Variants in UBE2Z observed in about 807,000 individuals in gnomAD.
The protein encoded by UBE2Z is ubiquitin conjugating enzyme E2 Z, also known as ubiquitin-conjugating enzyme E2 Z.
A neutral mutation model predicts 32.6 loss-of-function variants in UBE2Z; 10 were observed. The ratio of observed to expected loss-of-function variants is 0.31; its 90% CI spans 0.19 to 0.52. UBE2Z has a LOEUF of 0.52. Ranked by LOEUF, UBE2Z falls within the 20% of genes least tolerant of loss-of-function variation. The pLI is 0.97. For synonymous variants in UBE2Z, 183 were observed against 190.8 expected (o/e 0.96, Z 0.34); for missense variants, 343 against 480.9 (o/e 0.71, Z 2.68).
chr17:48,915,887 A>C, intron 3 of UBE2Z, 189 bp from the exon 4 acceptor site: 1 of 263,180 alleles, frequency 3.8e-6, no homozygotes, highest in Non-Finnish European at 6.8e-6. Flanking sequence ...TGATTTGAGG[A>C]TTAGGCAATT....
intron 4 of UBE2Z, among the ~76,000 whole-genome samples, chr17:48,916,796 G>T (rs988145075): frequency 1.3e-5 from 2 of 148,256 alleles, no homozygotes; most frequent in African/African-American, 2.5e-5. Context: ...AGACCAGCCT[G>T]GCCAACCTGG....
At chr17:48,909,233 A>G (rs1340188016) in intron 1 of UBE2Z, among the ~76,000 whole-genome samples, 2 of 88,358 alleles carry the variant, frequency 2.3e-5, no homozygotes, top group African/African-American at 9.0e-5. Context: ...GGCCCCACCC[A>G]TCGGTCCCCT....
chr17:48,918,746 C>CTTTTTT (rs71144542), intron 4 of UBE2Z, among the ~76,000 whole-genome samples: 1 of 127,480 alleles, frequency 7.8e-6, no homozygotes. Context: ...TAGGTCTTGT[C>CTTTTTT]TTTTTTTTTT....
chr17:48,916,260 T>TTTTTTG, intron 4 of UBE2Z, 73 bp downstream of exon 4: 4 of 575,880 alleles, frequency 6.9e-6, no homozygotes, highest in East Asian at 8.4e-5. Flanking sequence ...GTTTTTTTGT[T>TTTTTTG]TTTTTTTTTT....
chr17:48,913,161 G>A (rs1387677775), intron 3 of UBE2Z, 140 bp downstream of exon 3: 1 of 826,582 alleles, frequency 1.2e-6, no homozygotes, highest in Non-Finnish European at 1.9e-6. Flanking sequence ...TCCTCAGGAT[G>A]GTATGTGACT....
In UBE2Z at chr17:48,928,703, CT is replaced by C. The variant is rs2040814523; in HGVS notation, c.*1571del. On this transcript the variant is annotated 3_prime_UTR_variant, in exon 7 of 7. Transcript: ENST00000360943. The stretch of plus-strand genomic sequence containing the variant: ...GGAACGGAAGTTTATCTTGGATACC[CT>C]TGAAGAGGCTGGGTCTCTTCACATG... 1.4e-5 allele frequency: 2 copies of C among 147,580 alleles called. No homozygotes were observed. Among genetic ancestry groups the C allele is most frequent in the African/African-American group, 4.8e-5 (2 of 41,316 alleles). The allele number at this position is 147,580 out of a possible 1,614,324, so 9.1% of individuals were successfully genotyped here. A position where few individuals can be genotyped will look rare whatever the true frequency, so the allele number is the denominator to read the frequency against.
intron 6 of UBE2Z, among the ~76,000 whole-genome samples, chr17:48,925,578 T>C (rs927042099): frequency 2.6e-5 from 4 of 152,238 alleles, no homozygotes; most frequent in Non-Finnish European, 5.9e-5. Flanking sequence ...TCCTAGTTTG[T>C]TCCCCATCAG....
chr17:48,923,281 A>G (rs1387292623), intron 6 of UBE2Z, among the ~76,000 whole-genome samples: 1 of 142,202 alleles, frequency 7.0e-6, no homozygotes, highest in East Asian at 2.0e-4. Context: ...AAATTGTGCC[A>G]CTGCACTTCA....
intron 3 of UBE2Z, 87 bp from the exon 4 acceptor site, chr17:48,915,975 AACTTATGGTGAGTC>A (rs1340782434): frequency 7.6e-6 from 5 of 657,152 alleles, no homozygotes; most frequent in Non-Finnish European, 1.3e-5. Flanking sequence ...GTGAAAGAGA[AACTTATGGTGAGTC>A]ACTTATGGTG....
At chr17:48,922,588 G>T (rs2040768028) in intron 5 of UBE2Z, among the ~76,000 whole-genome samples, 1 of 151,724 alleles carries the variant, frequency 6.6e-6, no homozygotes, top group South Asian at 2.1e-4. Context: ...GGGCAACATG[G>T]TGAAACCCCG....
At position 48,929,008 on chromosome 17, in the gene UBE2Z, T is replaced by TA. The variant is rs1329961704; in HGVS notation, c.*1874_*1875insA. ...TGACTGTATATAAATGAAGTTTTTT[T>TA]GTTTTTTTTGTTTTCCTTTTTGGTG... On this transcript the variant is annotated 3_prime_UTR_variant, in exon 7 of 7. Transcript: ENST00000360943. The TA allele has an allele frequency of 6.7e-6, 1 of 148,794 alleles. No individual in the cohort carries two copies. The highest frequency in any genetic ancestry group is 1.5e-5 in the Non-Finnish European group (1 of 66,316). The allele number at this position is 148,794 out of a possible 1,614,324, so 9.2% of individuals were successfully genotyped here.
At chr17:48,910,917 A>C in intron 2 of UBE2Z, 37 bp downstream of exon 2, 1 of 1,529,066 alleles carries the variant, frequency 6.5e-7, no homozygotes, top group Non-Finnish European at 9.1e-7. Flanking sequence ...GGTTTTGGGA[A>C]ATTGGGGGCC....
At chr17:48,923,489 C>T (rs778566534) in intron 6 of UBE2Z, among the ~76,000 whole-genome samples, 9 of 151,644 alleles carry the variant, frequency 5.9e-5, no homozygotes, top group African/African-American at 1.7e-4. Flanking sequence ...AAAATTGGCT[C>T]AGCGTGGTAG....
chr17:48,924,845 CAAAAAA>C (rs5820735), intron 6 of UBE2Z, among the ~76,000 whole-genome samples: 11 of 85,750 alleles, frequency 1.3e-4, no homozygotes, highest in South Asian at 5.2e-4. Context: ...GATTCTGTCT[CAAAAAA>C]AAAAAAAAAA....
At chr17:48,914,169 T>C (rs170319) in intron 3 of UBE2Z, among the ~76,000 whole-genome samples, 62,527 of 152,098 alleles carry the variant, frequency 0.41, 15,398 homozygotes, top group East Asian at 0.71. Flanking sequence ...TAGTTGCCTT[T>C]GGGGGCTGAA....
chr17:48,917,677 A>G (rs1333755552), intron 4 of UBE2Z, among the ~76,000 whole-genome samples: 3 of 152,184 alleles, frequency 2.0e-5, no homozygotes, highest in African/African-American at 7.2e-5. Context: ...GTTTTTATAT[A>G]TAATTTCTTG....
chr17:48,916,222 C>T (rs2040718142), intron 4 of UBE2Z, 35 bp downstream of exon 4: 2 of 1,090,900 alleles, frequency 1.8e-6, no homozygotes, highest in Non-Finnish European at 1.3e-6. Flanking sequence ...GGGGTGTAGA[C>T]TATTGTTTTT....
chr17:48,908,583 T>C lies in UBE2Z; in HGVS notation c.80T>C (p.Val27Ala). The stretch of plus-strand genomic sequence containing the variant: ...CCCGGGGCGAGCAGCGTTGCTGGTG[T>C]TGTTGGCGTTAGCGGCAGCGGCGGC... ...AGPGASSVAG[V>A]VGVSGSGGGF... The change falls in exon 1 of 7, where the codon GTT becomes GCT. Residue 27 changes from valine to alanine, a missense_variant. Around this residue, in one of 4 missense-constraint regions of UBE2Z, gnomAD observed 103 missense variants for 96.2 expected, o/e 1.07. Coordinates refer to ENST00000360943, the MANE Select transcript of UBE2Z (RefSeq NM_023079.5). 8.1e-7 allele frequency: 1 copy of C among 1,239,526 alleles called. No individual in the cohort carries two copies. The highest frequency in any genetic ancestry group is 1.0e-6 in the Non-Finnish European group (1 of 988,846). The allele number at this position is 1,239,526 out of a possible 1,614,324, so 76.8% of individuals were successfully genotyped here.
intron 6 of UBE2Z, among the ~76,000 whole-genome samples, chr17:48,923,555 C>T (rs1363265872): frequency 6.6e-6 from 1 of 151,720 alleles, no homozygotes; most frequent in African/African-American, 2.4e-5. Context: ...TCGCTTGAAC[C>T]TGGGAGGCCG....
Sources: allele counts gnomAD v4.1 joint callset (sites outside exome capture counted in the v4.1 genomes callset), GRCh38; gene constraint gnomAD v4.1.1; regional missense constraint gnomAD v4.1.1; transcripts MANE v1.5; gene names NCBI Gene and HGNC (gene_info 2026-07-23, HGNC 2026-07-21).